The following DOCK10 variants were observed in gnomAD, a reference collection of about 807,000 sequenced individuals.
The protein encoded by DOCK10 is dedicator of cytokinesis protein 10.
A neutral mutation model predicts 280.1 loss-of-function variants in DOCK10; 145 were observed. That is an observed-to-expected ratio of 0.52 (90% CI 0.45 to 0.59). The LOEUF (loss-of-function observed/expected upper bound fraction) is 0.59, where lower values mean the gene tolerates loss of function less well. Among genes scored for constraint, DOCK10 ranks in the 20% least tolerant of loss-of-function variants. The pLI is 0.00. For missense variants in DOCK10, 2,368 were observed against 2,651.7 expected, an observed-to-expected ratio of 0.89 and a Z score of 2.35; for synonymous variants, 915 against 942.2, an observed-to-expected ratio of 0.97 and a Z score of 0.53.
intron 15 of DOCK10, among the ~76,000 whole-genome samples, chr2:224,855,611 C>A (rs1199902662): frequency 2.6e-5 from 4 of 152,198 alleles, no homozygotes; most frequent in Non-Finnish European, 5.9e-5. Flanking sequence ...CTCACATGCA[C>A]TCCCCGGCTC....
In DOCK10 at chr2:224,849,521, C is replaced by A. The variant is rs1441448646; in HGVS notation, c.2221G>T (p.Asp741Tyr). Reference sequence around the variant, plus strand: ...CTAGCTCTTACCTCATCTGAGAAATCCGGATTCTGAGAGTGGTGCAGAACT... The same window carrying A: ...CTAGCTCTTACCTCATCTGAGAAATACGGATTCTGAGAGTGGTGCAGAACT... ...TAVLHHSQNPDFSDEVKIELP... is the reference protein window; with the variant it reads ...TAVLHHSQNPYFSDEVKIELP... The change falls in exon 19 of 56, where the codon GAT becomes TAT. Residue 741 changes from aspartate (D) to tyrosine (Y), a missense_variant. Physicochemically the swap from Asp to Tyr is radical, Grantham distance 160. This residue lies in a region of DOCK10 where 1,209 missense variants were observed against 1,250.9 expected (regional missense o/e 0.97). Transcript: ENST00000258390. 1 of 1,611,402 alleles carries A rather than the reference C, an allele frequency of 6.2e-7. No homozygotes were observed. Among genetic ancestry groups the A allele is most frequent in the African/African-American group, 1.3e-5 (1 of 75,008 alleles).
Position 224,778,031 on chromosome 2 carries a change from T to A in DOCK10, c.5802+107A>T, listed in dbSNP as rs140486985. The A allele has an allele frequency of 2.7e-3, 3,127 of 1,179,754 alleles. 37 individuals are homozygous for A. In the Middle Eastern group the frequency reaches 0.054, roughly 20 times the overall value. 73.1% of individuals were successfully genotyped at this position (1,179,754 alleles called of 1,614,324 possible). ...CAAGCAAAACATCTAAAATCGTTTTTGTAGTTTACTTTGCATCGTCAGGCA... is the reference window on the plus strand; with the variant it reads ...CAAGCAAAACATCTAAAATCGTTTTAGTAGTTTACTTTGCATCGTCAGGCA... On this transcript the variant is annotated intron_variant, in intron 51 of 55. Transcript: ENST00000258390.
chr2:224,921,856 T>C (rs949033710), intron 2 of DOCK10, among the ~76,000 whole-genome samples: 1 of 151,940 alleles, frequency 6.6e-6, no homozygotes, highest in South Asian at 2.1e-4. Context: ...TCCCAGCGCT[T>C]TGGGAGGCTG....
intron 27 of DOCK10, among the ~76,000 whole-genome samples, chr2:224,827,807 A>G (rs553379434): frequency 3.3e-5 from 5 of 152,230 alleles, no homozygotes; most frequent in Non-Finnish European, 2.9e-5. Context: ...TTGCGAGTTA[A>G]GAGTTATGGA....
intron 1 of DOCK10, among the ~76,000 whole-genome samples, chr2:225,020,250 T>C (rs747924401): frequency 6.6e-6 from 1 of 152,164 alleles, no homozygotes; most frequent in Non-Finnish European, 1.5e-5. Context: ...GTACCTATTA[T>C]AACTGTATGT....
At chr2:224,775,433 T>G (rs1266117855) in intron 51 of DOCK10, among the ~76,000 whole-genome samples, 2 of 152,002 alleles carry the variant, frequency 1.3e-5, no homozygotes, top group East Asian at 3.9e-4. Flanking sequence ...TCAATCGCCT[T>G]TGTCTGGAAT....
chr2:224,879,482 G>T (rs1351322883), intron 7 of DOCK10, among the ~76,000 whole-genome samples: 1 of 152,206 alleles, frequency 6.6e-6, no homozygotes, highest in Non-Finnish European at 1.5e-5. Flanking sequence ...TCAGGGCTGG[G>T]CGTAGTGTCT....
At chr2:224,852,781 C>G (rs1696834642) in intron 17 of DOCK10, among the ~76,000 whole-genome samples, 154 bp downstream of exon 17, 1 of 152,180 alleles carries the variant, frequency 6.6e-6, no homozygotes, top group African/African-American at 2.4e-5. Context: ...TAAGATAAAA[C>G]TCATCAGTGC....
intron 45 of DOCK10, among the ~76,000 whole-genome samples, chr2:224,793,852 T>A (rs924618219): frequency 2.6e-5 from 4 of 152,214 alleles, no homozygotes; most frequent in African/African-American, 4.8e-5. Context: ...AGTTTTTTTT[T>A]AACCTCCTGG....
chr2:225,012,881 A>T (rs1398096086), intron 1 of DOCK10, among the ~76,000 whole-genome samples: 5 of 152,218 alleles, frequency 3.3e-5, no homozygotes, highest in Non-Finnish European at 5.9e-5. Context: ...TAATATTCAT[A>T]AGCCTTAGTT....
chr2:224,807,920 G>C lies in DOCK10; in HGVS notation c.3576C>G (p.Tyr1192Ter). ...AAGGAAGATCACTTACTGGCTCTCT[G>C]TATCGATCATCAAATGAATGCTTAG... ...LMAKHSFDDRYREPRKQAQIA... is the reference protein window; with the variant it reads ...LMAKHSFDDR Residue 1192 changes from tyrosine to a stop codon, truncating the protein, a stop_gained, in exon 32 of 56, where the codon TAC (tyrosine) becomes TAG (stop). Transcript: ENST00000258390. LOFTEE classifies it high-confidence loss of function. The C allele has an allele frequency of 1.2e-6, 2 of 1,612,114 alleles. No individual in the cohort carries two copies. Among genetic ancestry groups the C allele is most frequent in the Non-Finnish European group, 1.7e-6 (2 of 1,178,898 alleles).
In DOCK10 at chr2:224,819,487, C is replaced by T. The variant is rs1222909983; in HGVS notation, c.3226G>A (p.Val1076Ile). ...GAGAACATGCTGATGTAATTGTTGA[C>T]CATCTTAAACACATACCCTCGGTCC... is the stretch of plus-strand genomic sequence containing the variant. ...FMDRGYVFKM[V>I]NNYISMFSSG... Residue 1076 changes from valine (V) to isoleucine (I), a missense_variant, in exon 29 of 56, where the codon GTC becomes ATC. Physicochemically the swap from Val to Ile is conservative, Grantham distance 29. Transcript: ENST00000258390. 1 of 1,610,794 alleles carries T rather than the reference C, an allele frequency of 6.2e-7. No homozygotes were observed. The highest frequency in any genetic ancestry group is 2.2e-5 in the East Asian group (1 of 44,696).
intron 3 of DOCK10, among the ~76,000 whole-genome samples, chr2:224,911,844 G>T (rs964463366): frequency 9.2e-5 from 14 of 152,196 alleles, no homozygotes; most frequent in African/African-American, 3.4e-4. Context: ...TAAATCCGTT[G>T]TAGTTGGATT....
intron 1 of DOCK10, among the ~76,000 whole-genome samples, chr2:224,974,802 ATATATAT>A (rs965742423): frequency 5.3e-5 from 7 of 131,246 alleles, no homozygotes; most frequent in African/African-American, 1.8e-4. Context: ...TATATATATC[ATATATAT>A]TATATATATA....
chr2:224,946,998 C>G, intron 1 of DOCK10: 1 of 1,511,456 alleles, frequency 6.6e-7, no homozygotes, highest in South Asian at 1.3e-5. Flanking sequence ...ATATCAATGT[C>G]GTTAAACTCT....
intron 15 of DOCK10, 130 bp from the exon 16 acceptor site, chr2:224,855,172 G>T: frequency 2.1e-6 from 1 of 473,706 alleles, no homozygotes; most frequent in Non-Finnish European, 3.6e-6. Context: ...GTAAACAGCA[G>T]ACTCCCAAAT....
At chr2:224,814,611 TCC>T (rs1454737176) in intron 30 of DOCK10, among the ~76,000 whole-genome samples, 1 of 152,176 alleles carries the variant, frequency 6.6e-6, no homozygotes, top group African/African-American at 2.4e-5. Context: ...AACCTCTGCC[TCC>T]TGGATTCAAG....
At chr2:224,911,204 G>C (rs1222517584) in intron 3 of DOCK10, among the ~76,000 whole-genome samples, 3 of 152,160 alleles carry the variant, frequency 2.0e-5, no homozygotes, top group African/African-American at 7.2e-5. Flanking sequence ...ACAAGCAGTT[G>C]AAAGGGAATT....
chr2:224,876,751 C>T (rs772433654), intron 7 of DOCK10, among the ~76,000 whole-genome samples: 4 of 152,170 alleles, frequency 2.6e-5, no homozygotes, highest in Admixed American at 6.5e-5. Flanking sequence ...TCAGTTGCCA[C>T]GAGCACACTC....
Sources: allele counts gnomAD v4.1 joint callset (sites outside exome capture counted in the v4.1 genomes callset), GRCh38; gene constraint gnomAD v4.1.1; regional missense constraint gnomAD v4.1.1; transcripts MANE v1.5; gene names NCBI Gene and HGNC (gene_info 2026-07-23, HGNC 2026-07-21).